ABCD3: variants seen among roughly 807,000 people sequenced by gnomAD.
ABCD3 encodes ATP binding cassette subfamily D member 3.
In ABCD3, 41 loss-of-function variants were observed where a neutral mutation model predicts 105.5. That is an observed-to-expected ratio of 0.39 (90% CI 0.30 to 0.50). The LOEUF (loss-of-function observed/expected upper bound fraction) is 0.50, where lower values mean the gene tolerates loss of function less well. Among genes scored for constraint, ABCD3 ranks in the 20% least tolerant of loss-of-function variants. ABCD3 has a pLI of 0.84. For synonymous variants in ABCD3, 258 were observed against 269.0 expected (o/e 0.96, Z 0.40); for missense variants, 622 against 806.3 (o/e 0.77, Z 2.77).
chr1:94,402,557 A>T, the ABCD3 span, among the ~76,000 whole-genome samples: 1 of 152,168 alleles, frequency 6.6e-6, no homozygotes, highest in Non-Finnish European at 1.5e-5. Flanking sequence ...CAATTTCAGC[A>T]AATGTAACAT....
intron 3 of ABCD3, among the ~76,000 whole-genome samples, chr1:94,467,519 AACTGTAT>A (rs1261549508): frequency 2.6e-5 from 4 of 152,328 alleles, no homozygotes; most frequent in African/African-American, 9.6e-5. Context: ...TTAGTTGTAT[AACTGTAT>A]ATGTGCAGTT....
At chr1:94,400,023 G>A in the ABCD3 span, among the ~76,000 whole-genome samples, 5 of 152,150 alleles carry the variant, frequency 3.3e-5, no homozygotes, top group Non-Finnish European at 7.4e-5. Flanking sequence ...TTTGGCTACA[G>A]AGCAAGACCC....
chr1:94,479,984 G>A (rs1187207152), intron 8 of ABCD3, among the ~76,000 whole-genome samples: 2 of 152,038 alleles, frequency 1.3e-5, no homozygotes, highest in African/African-American at 4.8e-5. Context: ...CAGTATTAAG[G>A]TAAAGATGTG....
In ABCD3 at chr1:94,504,996, A is replaced by T. The variant is rs144712947; in HGVS notation, c.1741-1542A>T. Reference sequence around the variant, plus strand: ...GGAAAAGGGAAGGACCAGACCAGGGAGGACTCCTGGCTTTCTAGCTGGAGC... The same window carrying T: ...GGAAAAGGGAAGGACCAGACCAGGGTGGACTCCTGGCTTTCTAGCTGGAGC... On this transcript the variant is annotated intron_variant, in intron 20 of 22. Coordinates refer to ENST00000370214, the MANE Select transcript of ABCD3 (RefSeq NM_002858.4). Among the ~76,000 whole-genome samples the T allele has an allele frequency of 7.9e-5, 12 of 152,238 alleles. No individual in the cohort carries two copies. In the East Asian group the frequency reaches 1.7e-3, roughly 22 times the overall value.
chr1:94,449,327 A>G (rs900236263), intron 1 of ABCD3, among the ~76,000 whole-genome samples: 8 of 152,224 alleles, frequency 5.3e-5, no homozygotes, highest in Non-Finnish European at 1.0e-4. Context: ...GCTGTCACAG[A>G]TGGCGGAATA....
rs16946 is a variant in ABCD3, at chr1:94,464,789, G to T, written c.162G>T (p.Lys54Asn). ...PLQNNEKEGK[K>N]ERAVVDKVFF... ...TTTTAATGCAGAAAGAGGGGAAAAA[G>T]GAGCGAGCTGTGGTGGACAAGGTGT... The change falls in exon 3 of 23, where the codon AAG (lysine) becomes AAT (asparagine). Residue 54 changes from lysine (K) to asparagine (N), a missense_variant. Lys to Asn is a moderately conservative substitution (Grantham distance 94). Coordinates refer to ENST00000370214, the MANE Select transcript of ABCD3 (RefSeq NM_002858.4). 6.2e-7 allele frequency: 1 copy of T among 1,612,886 alleles called. No homozygotes were observed. The highest frequency in any genetic ancestry group is 1.3e-5 in the African/African-American group (1 of 74,786).
chr1:94,484,051 G>A (rs546825907), intron 10 of ABCD3, among the ~76,000 whole-genome samples: 2 of 152,222 alleles, frequency 1.3e-5, no homozygotes, highest in East Asian at 1.9e-4. Flanking sequence ...GCTCATCATC[G>A]CTGGCCATCA....
intron 2 of ABCD3, among the ~76,000 whole-genome samples, chr1:94,464,195 CT>C (rs1156970485): frequency 6.6e-6 from 1 of 152,196 alleles, no homozygotes; most frequent in East Asian, 1.9e-4. Context: ...GTGAAAGAAC[CT>C]TGTCTGTCTT....
At chr1:94,451,898 T>G (rs982147220) in intron 1 of ABCD3, among the ~76,000 whole-genome samples, 2 of 152,222 alleles carry the variant, frequency 1.3e-5, no homozygotes, top group African/African-American at 4.8e-5. Flanking sequence ...GTTTGTGGTC[T>G]TCTCTCCCTC....
chr1:94,402,798 C>A, the ABCD3 span, among the ~76,000 whole-genome samples: 1 of 151,464 alleles, frequency 6.6e-6, no homozygotes, highest in East Asian at 1.9e-4. Context: ...TACTTCCTCT[C>A]TTTTTTTTTC....
chr1:94,412,149 G>A, the ABCD3 span, among the ~76,000 whole-genome samples: 1 of 152,128 alleles, frequency 6.6e-6, no homozygotes, highest in Admixed American at 6.5e-5. Flanking sequence ...TTTATGTCAT[G>A]TGAACGTCAC....
chr1:94,493,196 A>T lies in ABCD3; in HGVS notation c.1386+1949A>T, dbSNP rs374060101. The stretch of plus-strand genomic sequence containing the variant: ...GGGAGAAAATTTTCGCAACCTACTC[A>T]TCTGACAAAGGGCTAATATCCAGAA... On this transcript the variant is annotated intron_variant, in intron 16 of 22. Transcript: ENST00000370214. Among the ~76,000 whole-genome samples the T allele has an allele frequency of 7.2e-5, 11 of 152,096 alleles. No individual in the cohort carries two copies. In the East Asian group the frequency reaches 1.7e-3, roughly 24 times the overall value.
At position 94,506,406 on chromosome 1, in the gene ABCD3, T is replaced by G. The variant is rs1470295999; in HGVS notation, c.1741-132T>G. On this transcript the variant is annotated intron_variant, in intron 20 of 22. Transcript: ENST00000370214. ...ATTGTTTCTATTTCTGGGAAGTAGA[T>G]TTTTTGAATTAGAATAATTTTTATA... 1.3e-5 allele frequency: 8 copies of G among 632,440 alleles called. No individual in the cohort carries two copies. The East Asian group carries it at 2.1e-4, about 17-fold the overall frequency. 39.2% of individuals were successfully genotyped at this position (632,440 alleles called of 1,614,324 possible). A position where few individuals can be genotyped will look rare whatever the true frequency, so the allele number is the denominator to read the frequency against.
chr1:94,421,052 T>G (rs531079253), intron 1 of ABCD3, among the ~76,000 whole-genome samples: 1 of 152,260 alleles, frequency 6.6e-6, no homozygotes, highest in East Asian at 1.9e-4. Context: ...TTCACTCAGT[T>G]AAATCTCATA....
chr1:94,509,681 A>G (rs1650564957), intron 21 of ABCD3, among the ~76,000 whole-genome samples: 1 of 152,184 alleles, frequency 6.6e-6, no homozygotes, highest in Admixed American at 6.5e-5. Context: ...TTATTGGTCT[A>G]TTCAGAGATT....
chr1:94,418,446 T>C lies in ABCD3; in HGVS notation c.-33T>C. 2 of 1,530,664 alleles carry C rather than the reference T, an allele frequency of 1.3e-6. No individual in the cohort carries two copies. The highest frequency in any genetic ancestry group is 1.8e-6 in the Non-Finnish European group (2 of 1,128,328). The allele number at this position is 1,530,664 out of a possible 1,614,324, so 94.8% of individuals were successfully genotyped here. A position where few individuals can be genotyped will look rare whatever the true frequency, so the allele number is the denominator to read the frequency against. ...AGCCGCCGCCGCCGCCGCCGCCGCGTCCCCTCGCCGGCTCGCTGGTACCGG... is the reference window on the plus strand; with the variant it reads ...AGCCGCCGCCGCCGCCGCCGCCGCGCCCCCTCGCCGGCTCGCTGGTACCGG... On this transcript the variant is annotated 5_prime_UTR_variant, in exon 1 of 23. Transcript: ENST00000370214.
In ABCD3 at chr1:94,486,920, G is replaced by A. The variant is rs115130559; in HGVS notation, c.898-622G>A. On this transcript the variant is annotated intron_variant, in intron 10 of 22. Coordinates refer to ENST00000370214, the MANE Select transcript of ABCD3 (RefSeq NM_002858.4). ...ATAGAGCTCAGTGCCAGATCATGCA[G>A]GACCTTGAATAATCTGGTAGATGGA... Among the ~76,000 whole-genome samples the A allele has an allele frequency of 1.5e-3, 226 of 152,300 alleles. 1 individual carries two copies. The highest frequency in any genetic ancestry group is 5.1e-3 in the African/African-American group (211 of 41,580).
At chr1:94,432,500 A>C (rs868455526) in intron 1 of ABCD3, 8 of 152,258 alleles carry the variant, frequency 5.3e-5, no homozygotes, top group African/African-American at 1.9e-4. Flanking sequence ...ACACTTAACC[A>C]TATTTTAGAC....
Position 94,434,836 on chromosome 1 carries a change from G to T in ABCD3, c.110+16248G>T, listed in dbSNP as rs145033093. On this transcript the variant is annotated intron_variant, in intron 1 of 22. Coordinates refer to ENST00000370214, the MANE Select transcript of ABCD3 (RefSeq NM_002858.4). ...AGCCACTGCAGAAGCCTTCCACATG[G>T]CCCTTCCCAGTCACAGCCCCTTTCC... is the stretch of plus-strand genomic sequence containing the variant. Among the ~76,000 whole-genome samples the T allele has an allele frequency of 2.0e-5, 3 of 152,226 alleles. No individual in the cohort carries two copies. In the East Asian group the frequency reaches 5.8e-4, roughly 29 times the overall value.
Sources: gnomAD v4.1 joint callset for allele counts (sites outside exome capture counted in the v4.1 genomes callset) on GRCh38, gnomAD v4.1.1 for gene constraint, MANE v1.5 for transcripts, NCBI Gene and HGNC (gene_info 2026-07-23, HGNC 2026-07-21) for gene names.